CDYL: variants seen among roughly 807,000 people sequenced by gnomAD.
The protein encoded by CDYL is chromodomain Y-like protein.
Under a neutral mutation model 47.3 loss-of-function variants are expected in CDYL, and 8 were observed. The observed-to-expected ratio is 0.17, with a 90% CI of 0.10 to 0.31. The LOEUF (loss-of-function observed/expected upper bound fraction) is 0.31, where lower values mean the gene tolerates loss of function less well. Ranked by LOEUF, CDYL falls within the 10% of genes least tolerant of loss-of-function variation. The pLI, the probability that CDYL is intolerant of heterozygous loss-of-function variation, is 1.00. For missense variants in CDYL, 471 were observed against 701.4 expected (o/e 0.67, Z 3.71); for synonymous variants, 266 against 265.0 (o/e 1.00, Z -0.04).
intron 1 of CDYL, among the ~76,000 whole-genome samples, chr6:4,785,078 T>C (rs1308257238): frequency 6.6e-6 from 1 of 152,234 alleles, no homozygotes; most frequent in African/African-American, 2.4e-5. Context: ...AATGGACTAA[T>C]ACACAAGTCC....
chr6:4,907,043 G>A (rs1056025478), intron 2 of CDYL, among the ~76,000 whole-genome samples: 2 of 152,222 alleles, frequency 1.3e-5, no homozygotes, highest in African/African-American at 4.8e-5. Context: ...GGGTTTTCTT[G>A]ATTATAGAGT....
chr6:4,936,155 G>C (rs1453541130), intron 3 of CDYL, among the ~76,000 whole-genome samples: 1 of 152,150 alleles, frequency 6.6e-6, no homozygotes, highest in South Asian at 2.1e-4. Flanking sequence ...ATCCTTAAAG[G>C]GTTCTTTGTT....
intron 2 of CDYL, among the ~76,000 whole-genome samples, chr6:4,924,376 C>T (rs1246137509): frequency 2.0e-5 from 3 of 152,132 alleles, no homozygotes; most frequent in Admixed American, 6.5e-5. Flanking sequence ...GTTCTCATTT[C>T]GTGGTTTGCC....
intron 1 of CDYL, among the ~76,000 whole-genome samples, chr6:4,709,066 A>T (rs1757098938): frequency 6.6e-6 from 1 of 152,172 alleles, no homozygotes; most frequent in African/African-American, 2.4e-5. Context: ...TAACAGTTTT[A>T]AAAATAAACT....
intron 1 of CDYL, among the ~76,000 whole-genome samples, chr6:4,816,519 T>C (rs1759681834): frequency 6.9e-6 from 1 of 145,716 alleles, no homozygotes. Context: ...TTTTTTTTAA[T>C]GGAGTCTCAC....
intron 1 of CDYL, among the ~76,000 whole-genome samples, chr6:4,821,045 T>A: frequency 6.6e-6 from 1 of 152,198 alleles, no homozygotes; most frequent in Admixed American, 6.5e-5. Context: ...TTGATTGTAT[T>A]CATCTTATTA....
intron 1 of CDYL, among the ~76,000 whole-genome samples, chr6:4,841,808 C>T (rs1760497468): frequency 6.6e-6 from 1 of 151,594 alleles, no homozygotes; most frequent in South Asian, 2.1e-4. Flanking sequence ...TGTTTTGTGG[C>T]CTATCATATG....
intron 1 of CDYL, among the ~76,000 whole-genome samples, chr6:4,794,223 T>G (rs1759007685): frequency 6.6e-6 from 1 of 151,774 alleles, no homozygotes; most frequent in African/African-American, 2.4e-5. Context: ...TAAAGAAGAC[T>G]GAGAAGAGAC....
At chr6:4,710,828 T>C (rs1849564) in intron 1 of CDYL, among the ~76,000 whole-genome samples, 30,736 of 152,040 alleles carry the variant, frequency 0.2, 3,953 homozygotes, top group East Asian at 0.33. Context: ...TCTAAATCCC[T>C]GTGGTTGAAA....
rs1485229573 is a variant in CDYL, at chr6:4,935,779, G to A, written c.948+8G>A. 1.6e-5 allele frequency: 25 copies of A among 1,612,732 alleles called. No homozygotes were observed. Among genetic ancestry groups the A allele is most frequent in the Non-Finnish European group, 1.8e-5 (21 of 1,178,734 alleles). On this transcript the variant is annotated splice_region_variant and intron_variant, in intron 3 of 6. Transcript: ENST00000397588. ...AACTCACTAAATCCAGAGGTGAGAG[G>A]CGCTCTTGGGCTGGCGTGGGCTTCG...
At chr6:4,934,532 C>T (rs538244010) in intron 2 of CDYL, among the ~76,000 whole-genome samples, 82 of 152,304 alleles carry the variant, frequency 5.4e-4, no homozygotes, top group African/African-American at 1.9e-3. Flanking sequence ...CCTCAGAGAA[C>T]TTCTGCCATT....
chr6:4,932,420 C>T (rs1284682122), intron 2 of CDYL, among the ~76,000 whole-genome samples: 1 of 151,976 alleles, frequency 6.6e-6, no homozygotes, highest in Non-Finnish European at 1.5e-5. Context: ...ACCCCCATGA[C>T]CTAATCACCC....
intron 1 of CDYL, among the ~76,000 whole-genome samples, chr6:4,859,436 G>A (rs1939735706): frequency 6.6e-6 from 1 of 152,108 alleles, no homozygotes; most frequent in Non-Finnish European, 1.5e-5. Context: ...AGAAGAAGTG[G>A]ATGGAGTTAT....
Position 4,827,953 on chromosome 6 carries a change from C to T in CDYL, c.24+51146C>T, listed in dbSNP as rs190945983. Among the ~76,000 whole-genome samples, 4 of 152,306 alleles carry T rather than the reference C, an allele frequency of 2.6e-5. No individual in the cohort carries two copies. The East Asian group carries it at 7.7e-4, about 29-fold the overall frequency. On this transcript the variant is annotated intron_variant, in intron 1 of 6. Transcript: ENST00000397588. ...TACAGGCGGGAGCCATCGCACCCAGCCTGTGTATTTCTCTTAAGTCATGTG... is the reference window on the plus strand; with the variant it reads ...TACAGGCGGGAGCCATCGCACCCAGTCTGTGTATTTCTCTTAAGTCATGTG...
chr6:4,779,833 T>C (rs1012872662), intron 1 of CDYL, among the ~76,000 whole-genome samples: 9 of 152,364 alleles, frequency 5.9e-5, no homozygotes, highest in Middle Eastern at 3.4e-3. Flanking sequence ...GCTCACCTCA[T>C]GTAGTGCAAA....
intron 1 of CDYL, among the ~76,000 whole-genome samples, chr6:4,837,575 C>T (rs1300491878): frequency 1.3e-5 from 2 of 148,894 alleles, no homozygotes; most frequent in African/African-American, 5.0e-5. Context: ...AGCGATTCTC[C>T]TGCCTCAGCC....
intron 2 of CDYL, among the ~76,000 whole-genome samples, chr6:4,922,766 G>A (rs1757754000): frequency 6.6e-6 from 1 of 152,154 alleles, no homozygotes; most frequent in Non-Finnish European, 1.5e-5. Context: ...TTTCCTTTGA[G>A]TTACCCTGAA....
intron 2 of CDYL, among the ~76,000 whole-genome samples, chr6:4,931,186 G>A (rs996100854): frequency 6.6e-6 from 1 of 152,218 alleles, no homozygotes; most frequent in Non-Finnish European, 1.5e-5. Flanking sequence ...ACTGAGTGTT[G>A]TATGCACTGG....
At chr6:4,787,725 T>G (rs1209797459) in intron 1 of CDYL, among the ~76,000 whole-genome samples, 1 of 148,294 alleles carries the variant, frequency 6.7e-6, no homozygotes, top group East Asian at 2.0e-4. Flanking sequence ...ACCAAAGACA[T>G]GCAGGTGGAG....
Sources: gnomAD v4.1 joint callset for allele counts (sites outside exome capture counted in the v4.1 genomes callset) on GRCh38, gnomAD v4.1.1 for gene constraint, MANE v1.5 for transcripts, NCBI Gene and HGNC (gene_info 2026-07-23, HGNC 2026-07-21) for gene names.